The following PID1 variants were observed in gnomAD, a reference collection of about 807,000 sequenced individuals.
The protein encoded by PID1 is PTB-containing, cubilin and LRP1-interacting protein.
In PID1, 10 loss-of-function variants were observed where a neutral mutation model predicts 19.1. The observed-to-expected ratio is 0.52, with a 90% confidence interval of 0.32 to 0.89. The LOEUF is 0.89. PID1 is among the 40% of genes least tolerant of loss of function. PID1 has a pLI of 0.03. For synonymous variants in PID1, 130 were observed against 116.0 expected, an observed-to-expected ratio of 1.12 and a Z score of -0.78; for missense variants, 248 against 285.3, an observed-to-expected ratio of 0.87 and a Z score of 0.94.
At chr2:229,196,771 A>G (rs969554954) in intron 1 of PID1, among the ~76,000 whole-genome samples, 3 of 152,042 alleles carry the variant, frequency 2.0e-5, no homozygotes, top group Admixed American at 1.3e-4. Flanking sequence ...CACTTCTTTT[A>G]TCCATAATAC....
chr2:229,200,902 A>G (rs1376298932), intron 1 of PID1, among the ~76,000 whole-genome samples: 2 of 152,014 alleles, frequency 1.3e-5, no homozygotes, highest in African/African-American at 2.4e-5. Context: ...GTGCCCATGT[A>G]TGTATGTATG....
intron 1 of PID1, among the ~76,000 whole-genome samples, chr2:229,182,758 A>T: frequency 6.6e-6 from 1 of 152,022 alleles, no homozygotes; most frequent in East Asian, 1.9e-4. Flanking sequence ...ACCATGTAAA[A>T]CTCACTTTCT....
intron 2 of PID1, among the ~76,000 whole-genome samples, chr2:229,064,700 T>A (rs914662630): frequency 6.6e-6 from 1 of 152,168 alleles, no homozygotes; most frequent in African/African-American, 2.4e-5. Flanking sequence ...CTGTAATGAC[T>A]TAAAATTATT....
intron 1 of PID1, among the ~76,000 whole-genome samples, chr2:229,159,054 C>T (rs1158184882): frequency 2.0e-5 from 3 of 152,116 alleles, no homozygotes; most frequent in African/African-American, 4.8e-5. Flanking sequence ...GCAATAATAA[C>T]TTAATTGTAC....
chr2:229,122,451 C>A (rs1027789864), intron 2 of PID1, among the ~76,000 whole-genome samples: 1 of 152,126 alleles, frequency 6.6e-6, no homozygotes, highest in Admixed American at 6.5e-5. Context: ...CAGGACATTT[C>A]TCTTCCCTGT....
At chr2:229,104,142 G>A (rs967842055) in intron 2 of PID1, among the ~76,000 whole-genome samples, 10 of 152,024 alleles carry the variant, frequency 6.6e-5, no homozygotes, top group Non-Finnish European at 1.3e-4. Context: ...AGTCGGTCTC[G>A]GTTTATAACA....
Position 229,025,627 on chromosome 2 carries a change from T to A in PID1, c.*5A>T. 1.3e-6 allele frequency: 2 copies of A among 1,597,682 alleles called. No homozygotes were observed. Among genetic ancestry groups the A allele is most frequent in the Non-Finnish European group, 1.7e-6 (2 of 1,166,072 alleles). On this transcript the variant is annotated 3_prime_UTR_variant, in exon 3 of 3. Transcript: ENST00000392055. ...GCTGCCTTTGCTGAAGCGTCTCAAG[T>A]TCATTCAGCCATCATCGGATTCCAA...
chr2:229,077,742 A>C (rs1377832913), intron 2 of PID1, among the ~76,000 whole-genome samples: 1 of 152,172 alleles, frequency 6.6e-6, no homozygotes, highest in Non-Finnish European at 1.5e-5. Flanking sequence ...CCATTGGTCT[A>C]TATACCCGTT....
chr2:229,030,334 T>C (rs1226845271), intron 2 of PID1, among the ~76,000 whole-genome samples: 3 of 152,152 alleles, frequency 2.0e-5, no homozygotes, highest in Admixed American at 6.5e-5. Flanking sequence ...CTGGAGATGG[T>C]TGGTGGTGAT....
At chr2:229,188,469 A>AC (rs1209705054) in intron 1 of PID1, among the ~76,000 whole-genome samples, 3 of 152,106 alleles carry the variant, frequency 2.0e-5, no homozygotes, top group Non-Finnish European at 4.4e-5. Flanking sequence ...CAGGAGTGGT[A>AC]GCTCACGCCT....
chr2:229,067,158 A>C (rs562380456), intron 2 of PID1, among the ~76,000 whole-genome samples: 1 of 152,168 alleles, frequency 6.6e-6, no homozygotes, highest in Admixed American at 6.5e-5. Context: ...CCCTTACAAA[A>C]CCATTAGCTC....
At chr2:229,103,527 T>C (rs1695114419) in intron 2 of PID1, among the ~76,000 whole-genome samples, 1 of 151,690 alleles carries the variant, frequency 6.6e-6, no homozygotes. Flanking sequence ...TCAAGGTCAC[T>C]GGTTATGGAA....
intron 1 of PID1, among the ~76,000 whole-genome samples, chr2:229,258,358 A>G (rs1003359111): frequency 1.3e-5 from 2 of 152,252 alleles, no homozygotes; most frequent in African/African-American, 4.8e-5. Flanking sequence ...CAAGAACTAA[A>G]TGAAGAAATG....
chr2:229,086,384 T>C (rs936068096), intron 2 of PID1, among the ~76,000 whole-genome samples: 1 of 152,134 alleles, frequency 6.6e-6, no homozygotes, highest in African/African-American at 2.4e-5. Context: ...AACTGCTGCA[T>C]ATCTCATGTA....
intron 1 of PID1, among the ~76,000 whole-genome samples, chr2:229,166,202 A>C (rs559219902): frequency 6.6e-6 from 1 of 152,344 alleles, no homozygotes; most frequent in South Asian, 2.1e-4. Context: ...CTGAGAACAC[A>C]AACAAAAAAA....
Position 229,271,231 on chromosome 2 carries a change from G to C in PID1, c.-188C>G. 3.8e-6 allele frequency: 2 copies of C among 528,498 alleles called. No homozygotes were observed. Among genetic ancestry groups the C allele is most frequent in the Non-Finnish European group, 6.5e-6 (2 of 309,638 alleles). The allele number at this position is 528,498 out of a possible 1,614,324, so 32.7% of individuals were successfully genotyped here. On this transcript the variant is annotated 5_prime_UTR_variant, in exon 1 of 3. Transcript: ENST00000392055. ...GAGGAGGCGCGGCGCTCAGCTGCCG[G>C]CAACTTGTGGGCACGGCCGCGCGCC...
At chr2:229,152,275 A>T (rs1187308622) in intron 2 of PID1, among the ~76,000 whole-genome samples, 2 of 152,156 alleles carry the variant, frequency 1.3e-5, no homozygotes, top group African/African-American at 4.8e-5. Context: ...CTGAGTCAAA[A>T]TTTCTGGGAA....
At chr2:229,110,338 G>A (rs1373732296) in intron 2 of PID1, among the ~76,000 whole-genome samples, 1 of 152,184 alleles carries the variant, frequency 6.6e-6, no homozygotes, top group Non-Finnish European at 1.5e-5. Flanking sequence ...GATAGATGAG[G>A]ACAAGAGTCA....
chr2:229,091,386 T>A (rs768057801), intron 2 of PID1, among the ~76,000 whole-genome samples: 25 of 150,306 alleles, frequency 1.7e-4, no homozygotes, highest in Non-Finnish European at 2.8e-4. Context: ...AAAGCTGATA[T>A]GCAATTACAT....
Sources: allele counts gnomAD v4.1 joint callset (sites outside exome capture counted in the v4.1 genomes callset), GRCh38; gene constraint gnomAD v4.1.1; transcripts MANE v1.5; gene names NCBI Gene and HGNC (gene_info 2026-07-23, HGNC 2026-07-21).